The following IL6R variants were observed in gnomAD, a reference collection of about 807,000 sequenced individuals.
The protein encoded by IL6R is interleukin-6 receptor subunit alpha.
Under a neutral mutation model 48.3 loss-of-function variants are expected in IL6R, and 38 were observed. The observed-to-expected ratio is 0.79, with a 90% confidence interval of 0.61 to 1.03. IL6R has a LOEUF of 1.03. IL6R is among the 50% of genes least tolerant of loss of function. The probability of loss-of-function intolerance (pLI) is 0.00; values close to 1 mark genes in which losing one functional copy is unlikely to be tolerated. For synonymous variants in IL6R, 264 were observed against 256.2 expected (o/e 1.03, Z -0.29); for missense variants, 534 against 618.3 (o/e 0.86, Z 1.45).
At chr1:154,452,226 T>C (rs1690623116) in intron 8 of IL6R, among the ~76,000 whole-genome samples, 1 of 152,162 alleles carries the variant, frequency 6.6e-6, no homozygotes, top group Admixed American at 6.6e-5. Context: ...TCTCTCTGGC[T>C]CAGTACCATC....
chr1:154,425,742 T>A (rs1453592010), intron 1 of IL6R, among the ~76,000 whole-genome samples: 1 of 147,570 alleles, frequency 6.8e-6, no homozygotes, highest in Non-Finnish European at 1.5e-5. Context: ...CCACTGTACT[T>A]CAGCCTGAGT....
At chr1:154,436,958 A>T (rs79778789) in intron 6 of IL6R, among the ~76,000 whole-genome samples, 1 of 152,168 alleles carries the variant, frequency 6.6e-6, no homozygotes, top group Non-Finnish European at 1.5e-5. Context: ...TTCTAGGTAC[A>T]TGTATGTGTG....
chr1:154,412,129 A>G (rs935686842), intron 1 of IL6R, among the ~76,000 whole-genome samples: 4 of 150,924 alleles, frequency 2.7e-5, no homozygotes, highest in African/African-American at 9.8e-5. Context: ...TTGTATTTTT[A>G]GTAGAGACGG....
At chr1:154,461,907 G>T (rs916856273) in intron 9 of IL6R, among the ~76,000 whole-genome samples, 1 of 152,114 alleles carries the variant, frequency 6.6e-6, no homozygotes, top group African/African-American at 2.4e-5. Flanking sequence ...TGCCAATCCC[G>T]TTCCTCTGTG....
intron 6 of IL6R, among the ~76,000 whole-genome samples, chr1:154,447,534 C>CAT (rs1411986681): frequency 8.6e-6 from 1 of 116,958 alleles, no homozygotes; most frequent in Non-Finnish European, 1.8e-5. Context: ...TATATATACA[C>CAT]ATACATATAT....
At chr1:154,418,206 G>C (rs1688462251) in intron 1 of IL6R, among the ~76,000 whole-genome samples, 1 of 152,184 alleles carries the variant, frequency 6.6e-6, no homozygotes, top group South Asian at 2.1e-4. Context: ...TATAATCTCT[G>C]AGAGTTGACC....
At chr1:154,465,032 G>A (rs138680889) in intron 9 of IL6R, 102 bp from the exon 10 acceptor site, 3 of 1,418,368 alleles carry the variant, frequency 2.1e-6, no homozygotes, top group South Asian at 2.4e-5. Flanking sequence ...ACCTGGGCGC[G>A]CCAGGCCACC....
chr1:154,430,452 C>G, intron 2 of IL6R, 31 bp from the exon 3 acceptor site: 2 of 1,609,628 alleles, frequency 1.2e-6, no homozygotes, highest in Non-Finnish European at 1.7e-6. Context: ...TCCCCGCCCG[C>G]CTGCTGACAC....
At chr1:154,454,450 C>G (rs1281150372) in intron 8 of IL6R, 38 bp from the exon 9 acceptor site, 2 of 1,320,592 alleles carry the variant, frequency 1.5e-6, no homozygotes, top group Admixed American at 3.6e-5. Flanking sequence ...CCATATTCTC[C>G]TCTTCCTCCT....
At chr1:154,461,597 G>A (rs1691268215) in intron 9 of IL6R, among the ~76,000 whole-genome samples, 1 of 152,130 alleles carries the variant, frequency 6.6e-6, no homozygotes, top group Admixed American at 6.5e-5. Flanking sequence ...AATATTAAAA[G>A]CTAATGATTA....
At chr1:154,423,281 A>ATATATATATATATATATATATATATG (rs1688789339) in intron 1 of IL6R, among the ~76,000 whole-genome samples, 5 of 141,878 alleles carry the variant, frequency 3.5e-5, no homozygotes, top group African/African-American at 7.7e-5. Flanking sequence ...ATATATATAT[A>ATATATATATATATATATATATATATG]TATGTATTCA....
At chr1:154,432,830 C>A (rs1219748416) in intron 3 of IL6R, among the ~76,000 whole-genome samples, 1 of 152,204 alleles carries the variant, frequency 6.6e-6, no homozygotes. Context: ...TCAGGGGCCC[C>A]AGCCCCCACT....
At chr1:154,450,076 T>C (rs1690492024) in intron 8 of IL6R, 96 bp downstream of exon 8, 2 of 773,300 alleles carry the variant, frequency 2.6e-6, no homozygotes. Flanking sequence ...CGTCAGAGGA[T>C]CAATCACAGA....
At chr1:154,409,349 C>A (rs1003714006) in intron 1 of IL6R, among the ~76,000 whole-genome samples, 1 of 152,046 alleles carries the variant, frequency 6.6e-6, no homozygotes, top group Non-Finnish European at 1.5e-5. Flanking sequence ...TTTCCTTTAT[C>A]CCCCTCTGCC....
intron 5 of IL6R, among the ~76,000 whole-genome samples, chr1:154,435,368 G>T (rs1689556788): frequency 6.6e-6 from 1 of 152,090 alleles, no homozygotes; most frequent in Admixed American, 6.6e-5. Flanking sequence ...AAAATTAGCT[G>T]GGTGTGGTGG....
At chr1:154,418,685 G>A (rs1688489973) in intron 1 of IL6R, among the ~76,000 whole-genome samples, 1 of 152,182 alleles carries the variant, frequency 6.6e-6, no homozygotes, top group African/African-American at 2.4e-5. Flanking sequence ...ATGTTAAGGA[G>A]AAATGAATGG....
chr1:154,424,095 C>T (rs1049389067), intron 1 of IL6R, among the ~76,000 whole-genome samples: 1 of 152,230 alleles, frequency 6.6e-6, no homozygotes, highest in Admixed American at 6.5e-5. Flanking sequence ...CAGCGGGCTC[C>T]TCTGCCCCCC....
At chr1:154,455,237 C>T (rs1423744777) in intron 9 of IL6R, among the ~76,000 whole-genome samples, 1 of 151,036 alleles carries the variant, frequency 6.6e-6, no homozygotes, top group Non-Finnish European at 1.5e-5. Flanking sequence ...GAGAGAAGCC[C>T]AGCATGTAAT....
At chr1:154,430,258 C>G (rs906163080) in intron 2 of IL6R, among the ~76,000 whole-genome samples, 3 of 152,186 alleles carry the variant, frequency 2.0e-5, no homozygotes, top group African/African-American at 7.2e-5. Flanking sequence ...TCCCCTGTCC[C>G]GGATCCGTGT....
Sources: allele counts gnomAD v4.1 joint callset (sites outside exome capture counted in the v4.1 genomes callset), GRCh38; gene constraint gnomAD v4.1.1; transcripts MANE v1.5; gene names NCBI Gene and HGNC (gene_info 2026-07-23, HGNC 2026-07-21).